Variants in LRRFIP2 observed in about 807,000 individuals in gnomAD.
The protein encoded by LRRFIP2 is LRR binding FLII interacting protein 2.
In LRRFIP2, 109 loss-of-function variants were observed where a neutral mutation model predicts 125.9. The ratio of observed to expected loss-of-function variants is 0.87; its 90% CI spans 0.74 to 1.01. The LOEUF is 1.01. Ranked by LOEUF, LRRFIP2 falls within the 50% of genes least tolerant of loss-of-function variation. LRRFIP2 has a pLI of 0.00. For synonymous variants in LRRFIP2, 291 were observed against 293.1 expected (o/e 0.99, Z 0.07); for missense variants, 850 against 862.3 (o/e 0.99, Z 0.18).
chr3:37,149,546 A>G (rs2095955393), intron 1 of LRRFIP2, among the ~76,000 whole-genome samples: 2 of 152,140 alleles, frequency 1.3e-5, no homozygotes, highest in African/African-American at 2.4e-5. Context: ...ATAAATAACT[A>G]TAGTTATTTC....
At chr3:37,114,290 G>A (rs1169427336) in intron 7 of LRRFIP2, among the ~76,000 whole-genome samples, 1 of 152,086 alleles carries the variant, frequency 6.6e-6, no homozygotes, top group African/African-American at 2.4e-5. Context: ...AAACCAAAAT[G>A]TTTGGACATA....
chr3:37,167,209 AAAAAGAAAGAAAGAAAG>A lies in LRRFIP2; in HGVS notation c.-56+7313_-56+7329del, dbSNP rs1464922772. 5.3e-5 allele frequency among the ~76,000 whole-genome samples: 8 copies of A among 151,464 alleles called. No homozygotes were observed. The South Asian group carries it at 1.2e-3, about 24-fold the overall frequency. ...AAAATCTTGTCTCCAAAAAAAAAAA[AAAAAGAAAGAAAGAAAG>A]AAAAGAAGAGAAAAAGAAAAGATGC... On this transcript the variant is annotated intron_variant, in intron 1 of 27. Coordinates refer to ENST00000336686, the MANE Select transcript of LRRFIP2 (RefSeq NM_006309.4).
chr3:37,079,342 G>A (rs898308614), intron 19 of LRRFIP2, among the ~76,000 whole-genome samples: 1 of 152,152 alleles, frequency 6.6e-6, no homozygotes, highest in Non-Finnish European at 1.5e-5. Flanking sequence ...AATATAAAAT[G>A]GTGCAGCCAC....
intron 19 of LRRFIP2, among the ~76,000 whole-genome samples, chr3:37,080,390 C>T (rs937476988): frequency 1.3e-5 from 2 of 150,500 alleles, no homozygotes; most frequent in African/African-American, 2.4e-5. Flanking sequence ...GAGCAAAACT[C>T]GTCTAAAAAA....
chr3:37,068,275 T>C (rs2090520269), intron 21 of LRRFIP2: 1 of 152,188 alleles, frequency 6.6e-6, no homozygotes, highest in African/African-American at 2.4e-5. Context: ...AGTGGGTAAA[T>C]GATCACTGTC....
intron 18 of LRRFIP2, among the ~76,000 whole-genome samples, chr3:37,087,268 CTCTAAATGTA>C (rs1359315122): frequency 2.0e-5 from 3 of 152,170 alleles, no homozygotes; most frequent in East Asian, 3.8e-4. Flanking sequence ...TTATACAGTG[CTCTAAATGTA>C]TCTAAATGTA....
chr3:37,123,453 T>C (rs1377781165), intron 4 of LRRFIP2, among the ~76,000 whole-genome samples: 3 of 152,194 alleles, frequency 2.0e-5, no homozygotes, highest in Non-Finnish European at 4.4e-5. Flanking sequence ...CCTTCCAAAG[T>C]GCTGGTATTA....
At chr3:37,162,089 G>A (rs933544823) in intron 1 of LRRFIP2, among the ~76,000 whole-genome samples, 3 of 143,134 alleles carry the variant, frequency 2.1e-5, no homozygotes, top group South Asian at 2.2e-4. Flanking sequence ...CCAGGAGGTC[G>A]AGGTTGTAGT....
At chr3:37,163,290 C>G (rs537233183) in intron 1 of LRRFIP2, among the ~76,000 whole-genome samples, 1 of 152,186 alleles carries the variant, frequency 6.6e-6, no homozygotes, top group Non-Finnish European at 1.5e-5. Context: ...GGGATACATA[C>G]CATGGCAGAG....
intron 18 of LRRFIP2, among the ~76,000 whole-genome samples, chr3:37,086,883 C>T (rs1440392263): frequency 1.4e-5 from 2 of 146,420 alleles, no homozygotes; most frequent in African/African-American, 5.1e-5. Flanking sequence ...TTCTTGGAGA[C>T]AGGGTCTCAC....
intron 19 of LRRFIP2, among the ~76,000 whole-genome samples, chr3:37,080,408 A>T (rs2092533392): frequency 6.6e-6 from 1 of 151,994 alleles, no homozygotes; most frequent in African/African-American, 2.4e-5. Flanking sequence ...AAAATAAAAT[A>T]AATAAAATTT....
chr3:37,112,895 T>C lies in LRRFIP2; in HGVS notation c.438+20A>G, dbSNP rs199851533. The C allele has an allele frequency of 3.5e-6, 5 of 1,434,748 alleles. No individual in the cohort carries two copies. The highest frequency in any genetic ancestry group is 1.7e-5 in the Admixed American group (1 of 57,410). The allele number at this position is 1,434,748 out of a possible 1,614,324, so 88.9% of individuals were successfully genotyped here. ...TAACAGTACTTCGTGAATTGTGATA[T>C]GAGAGACAACAGAACTAACCAGTAG... On this transcript the variant is annotated intron_variant, in intron 8 of 27. Transcript: ENST00000336686.
intron 25 of LRRFIP2, 98 bp downstream of exon 25, chr3:37,058,690 AAG>A: frequency 6.3e-6 from 8 of 1,278,304 alleles, no homozygotes; most frequent in African/African-American, 3.0e-5. Context: ...AAAAAAAAAA[AAG>A]AAAAGTGTAT....
Position 37,055,132 on chromosome 3 carries a change from A to C in LRRFIP2, c.1904T>G (p.Phe635Cys), listed in dbSNP as rs1226096151. Residue 635 changes from phenylalanine to cysteine, a missense_variant, in exon 26 of 28, where the codon TTT becomes TGT. By Grantham distance (205) the Phe-to-Cys change is radical (BLOSUM62 -2). Transcript: ENST00000336686. ...ATCCTGTTCTGCTTTTGAAAGCTTA[A>C]ATTTGTATTCGCTAATTTGTCTATT... ...DANRQISEYKFKLSKAEQDIT... is the reference protein window; with the variant it reads ...DANRQISEYKCKLSKAEQDIT... 3 of 1,594,906 alleles carry C rather than the reference A, an allele frequency of 1.9e-6. No individual in the cohort carries two copies. The highest frequency in any genetic ancestry group is 1.1e-5 in the South Asian group (1 of 88,458).
chr3:37,161,349 CT>C (rs1268800339), intron 1 of LRRFIP2, among the ~76,000 whole-genome samples: 4 of 151,712 alleles, frequency 2.6e-5, no homozygotes, highest in Admixed American at 6.6e-5. Context: ...AAAAGCAAGA[CT>C]GTTTCAAGAA....
At position 37,105,492 on chromosome 3, in the gene LRRFIP2, G is replaced by A; in HGVS notation, c.746C>T (p.Ser249Phe). 6.2e-7 allele frequency: 1 copy of A among 1,613,914 alleles called. No homozygotes were observed. The highest frequency in any genetic ancestry group is 8.5e-7 in the Non-Finnish European group (1 of 1,179,868). ...FTNDDTASIV[S>F]SDRASRGRRE... Reference sequence around the variant, plus strand: ...TCGTCCACGACTGGCACGATCAGAAGACACAATGCTTGCAGTGTCATCGTT... The same window carrying A: ...TCGTCCACGACTGGCACGATCAGAAAACACAATGCTTGCAGTGTCATCGTT... Residue 249 changes from serine to phenylalanine, a missense_variant, in exon 14 of 28, where the codon TCT becomes TTT. By Grantham distance (155) the Ser-to-Phe change is radical (BLOSUM62 -2). Transcript: ENST00000336686.
rs191576833 is a variant in LRRFIP2 at position 37,110,894 on chromosome 3, T to A, written c.513+97A>T. On this transcript the variant is annotated intron_variant, in intron 9 of 27. Transcript: ENST00000336686. ...AAAAACTAGTATATACGTAGCCATT[T>A]ACAGATTAGTTACAGCTAGTCAAAA... 8.0e-5 allele frequency: 85 copies of A among 1,057,198 alleles called. 1 individual carries two copies. The Admixed American group carries it at 1.4e-3, about 17-fold the overall frequency. The allele number at this position is 1,057,198 out of a possible 1,614,324, so 65.5% of individuals were successfully genotyped here.
At chr3:37,065,644 A>ATG in intron 23 of LRRFIP2, 166 bp downstream of exon 23, 1 of 833,674 alleles carries the variant, frequency 1.2e-6, no homozygotes, top group Non-Finnish European at 2.0e-6. Flanking sequence ...TCCCAAGGTC[A>ATG]AGGATGTCTG....
intron 15 of LRRFIP2, among the ~76,000 whole-genome samples, chr3:37,102,634 G>A (rs1467630393): frequency 2.0e-5 from 3 of 151,530 alleles, no homozygotes; most frequent in African/African-American, 7.3e-5. Context: ...GAGTAGCTGG[G>A]ATTACAGGTG....
Sources: allele counts gnomAD v4.1 joint callset (sites outside exome capture counted in the v4.1 genomes callset), GRCh38; gene constraint gnomAD v4.1.1; transcripts MANE v1.5; gene names NCBI Gene and HGNC (gene_info 2026-07-23, HGNC 2026-07-21).